GALNT17: variants seen among roughly 807,000 people sequenced by gnomAD.
The protein encoded by GALNT17 is UDP-GalNAc:polypeptide N-acetylgalactosaminyltransferase-like 3.
A neutral mutation model predicts 63.7 loss-of-function variants in GALNT17; 29 were observed. That is an observed-to-expected ratio of 0.46 (90% confidence interval 0.34 to 0.62). The LOEUF is 0.62. GALNT17 is among the 20% of genes least tolerant of loss of function. The pLI, the probability that GALNT17 is intolerant of heterozygous loss-of-function variation, is 0.01. For missense variants in GALNT17, 603 were observed against 799.6 expected (o/e 0.75, Z 2.97); for synonymous variants, 305 against 318.3 (o/e 0.96, Z 0.45).
At chr7:71,542,234 A>G (rs993243277) in intron 5 of GALNT17, among the ~76,000 whole-genome samples, 4 of 152,174 alleles carry the variant, frequency 2.6e-5, no homozygotes, top group African/African-American at 9.7e-5. Context: ...TAACACTGTC[A>G]TGCTCTATAA....
intron 6 of GALNT17, among the ~76,000 whole-genome samples, chr7:71,652,780 A>G (rs1790771792): frequency 6.6e-6 from 1 of 152,224 alleles, no homozygotes; most frequent in South Asian, 2.1e-4. Context: ...AGTAGGAAGG[A>G]AGACATCAGA....
chr7:71,653,348 G>A (rs1790780553), intron 6 of GALNT17, among the ~76,000 whole-genome samples: 1 of 151,836 alleles, frequency 6.6e-6, no homozygotes, highest in Non-Finnish European at 1.5e-5. Flanking sequence ...AGAGGCAGAG[G>A]TTACAGGCAA....
At chr7:71,638,768 G>A (rs745333978) in intron 6 of GALNT17, among the ~76,000 whole-genome samples, 1 of 152,140 alleles carries the variant, frequency 6.6e-6, no homozygotes, top group East Asian at 1.9e-4. Context: ...TGCATACTGC[G>A]ATCCATGACG....
intron 1 of GALNT17, among the ~76,000 whole-genome samples, chr7:71,170,090 T>C (rs11980968): frequency 0.12 from 18,068 of 152,098 alleles, 2,799 homozygotes; most frequent in African/African-American, 0.35. Flanking sequence ...TGCCAGCCAC[T>C]GTGTCTGGAT....
chr7:71,581,798 G>A (rs1789639011), intron 6 of GALNT17, among the ~76,000 whole-genome samples: 1 of 152,174 alleles, frequency 6.6e-6, no homozygotes, highest in Non-Finnish European at 1.5e-5. Context: ...TGCTGAGTTT[G>A]AGGAGTAGCA....
chr7:71,250,722 A>G (rs2116488934), intron 1 of GALNT17, among the ~76,000 whole-genome samples: 1 of 152,304 alleles, frequency 6.6e-6, no homozygotes, highest in South Asian at 2.1e-4. Flanking sequence ...CAACCCGATC[A>G]TTGACTCACA....
intron 5 of GALNT17, among the ~76,000 whole-genome samples, chr7:71,519,255 CAGG>C (rs1371362925): frequency 6.6e-6 from 1 of 152,102 alleles, no homozygotes; most frequent in Non-Finnish European, 1.5e-5. Context: ...CAGAAAGGAA[CAGG>C]GTCCATTATC....
intron 1 of GALNT17, among the ~76,000 whole-genome samples, chr7:71,306,660 CA>C (rs1791304679): frequency 6.6e-6 from 1 of 152,028 alleles, no homozygotes; most frequent in Admixed American, 6.6e-5. Context: ...AAAGTAATGG[CA>C]AAAAACAGAA....
At chr7:71,691,206 G>T (rs1167664810) in intron 9 of GALNT17, among the ~76,000 whole-genome samples, 1 of 152,134 alleles carries the variant, frequency 6.6e-6, no homozygotes, top group Non-Finnish European at 1.5e-5. Flanking sequence ...ACCCTGATCA[G>T]TCAGCAGCCA....
At chr7:71,452,184 A>T (rs1787274272) in intron 5 of GALNT17, among the ~76,000 whole-genome samples, 1 of 152,032 alleles carries the variant, frequency 6.6e-6, no homozygotes. Context: ...TTGAGGCTGC[A>T]GTGAGGTATG....
intron 2 of GALNT17, among the ~76,000 whole-genome samples, chr7:71,341,541 GAAAGCTTTCAGA>G (rs1262848058): frequency 5.3e-5 from 8 of 152,174 alleles, no homozygotes; most frequent in African/African-American, 1.9e-4. Flanking sequence ...AAAAAGTCCT[GAAAGCTTTCAGA>G]GAATAAATGC....
intron 2 of GALNT17, among the ~76,000 whole-genome samples, chr7:71,354,733 G>A (rs1223116295): frequency 6.6e-6 from 1 of 152,102 alleles, no homozygotes; most frequent in Admixed American, 6.6e-5. Flanking sequence ...AAGGAATTAG[G>A]TTTTCAATCC....
rs574855630 is a variant in GALNT17 at position 71,591,114 on chromosome 7, C to T, written c.1080+19712C>T. 9.3e-4 allele frequency among the ~76,000 whole-genome samples: 141 copies of T among 150,946 alleles called. 1 individual carries two copies. The highest frequency in any genetic ancestry group is 3.0e-3 in the African/African-American group (125 of 41,036). ...CTCTGTCTCCCATGCTGGAATGCAGCGGCTTCATCTCGGCTCACTGCAACC... is the reference window on the plus strand; with the variant it reads ...CTCTGTCTCCCATGCTGGAATGCAGTGGCTTCATCTCGGCTCACTGCAACC... On this transcript the variant is annotated intron_variant, in intron 6 of 10. Transcript: ENST00000333538.
At chr7:71,695,347 T>G (rs1791523930) in intron 9 of GALNT17, among the ~76,000 whole-genome samples, 1 of 152,160 alleles carries the variant, frequency 6.6e-6, no homozygotes, top group Non-Finnish European at 1.5e-5. Flanking sequence ...AGCAAATGCA[T>G]TTTCTGGAAA....
At chr7:71,588,801 G>A (rs1314372427) in intron 6 of GALNT17, among the ~76,000 whole-genome samples, 8 of 152,046 alleles carry the variant, frequency 5.3e-5, no homozygotes, top group Admixed American at 3.3e-4. Context: ...CATGAATCCA[G>A]CTGGAAGCTC....
chr7:71,462,312 T>G (rs73700996), intron 5 of GALNT17, among the ~76,000 whole-genome samples: 2,028 of 152,318 alleles, frequency 0.013, 38 homozygotes, highest in African/African-American at 0.046. Context: ...AGGAAGACTT[T>G]ATTCAAGACT....
chr7:71,316,371 T>G (rs73179783), intron 1 of GALNT17, among the ~76,000 whole-genome samples: 19,257 of 151,992 alleles, frequency 0.13, 1,537 homozygotes, highest in Middle Eastern at 0.24. Context: ...GACTGGGAAG[T>G]CCTCAAGACC....
intron 6 of GALNT17, among the ~76,000 whole-genome samples, chr7:71,653,944 A>G (rs947028262): frequency 6.6e-6 from 1 of 152,214 alleles, no homozygotes; most frequent in Non-Finnish European, 1.5e-5. Context: ...TCTACCTGCC[A>G]GCAAATCCCT....
In GALNT17 at chr7:71,513,592, G is replaced by A. The variant is rs1394947337; in HGVS notation, c.963-57693G>A. On this transcript the variant is annotated intron_variant, in intron 5 of 10. Coordinates refer to ENST00000333538, the MANE Select transcript of GALNT17 (RefSeq NM_022479.3). ...GTAGAGACAGAGTTTCACCATGTTG[G>A]CCAGGCTCGTCTCTAACTCCTGGCC... 5.3e-5 allele frequency among the ~76,000 whole-genome samples: 8 copies of A among 151,890 alleles called. No individual in the cohort carries two copies. The East Asian group carries it at 1.6e-3, about 29-fold the overall frequency.
Sources: allele counts gnomAD v4.1 joint callset (sites outside exome capture counted in the v4.1 genomes callset), GRCh38; gene constraint gnomAD v4.1.1; transcripts MANE v1.5; gene names NCBI Gene and HGNC (gene_info 2026-07-23, HGNC 2026-07-21).